FAM3D: variants seen among roughly 807,000 people sequenced by gnomAD.
FAM3D encodes the protein FAM3 metabolism regulating signaling molecule D, also known as protein FAM3D.
Under a neutral mutation model 29.8 loss-of-function variants are expected in FAM3D, and 26 were observed. The observed-to-expected ratio is 0.87, with a 90% CI of 0.64 to 1.21. The LOEUF (loss-of-function observed/expected upper bound fraction) is 1.21, where lower values mean the gene tolerates loss of function less well. Ranked by LOEUF, FAM3D falls within the 50% of genes most tolerant of loss-of-function variation. The pLI is 0.00. For synonymous variants in FAM3D, 115 were observed against 102.3 expected, an observed-to-expected ratio of 1.12 and a Z score of -0.75; for missense variants, 253 against 290.9, an observed-to-expected ratio of 0.87 and a Z score of 0.95.
In FAM3D at chr3:58,634,451, C is replaced by T; in HGVS notation, c.586-83G>A. On this transcript the variant is annotated intron_variant, in intron 9 of 9. Transcript: ENST00000358781. The surrounding 1 kb of genome is among the most constrained non-coding windows in gnomAD (Gnocchi z 4.6). ...GCCCACATGGACACTGTGCTCTAAA[C>T]CTAAATGGGGGTGTGGGATGTTATT... is the stretch of plus-strand genomic sequence containing the variant. 2 of 1,244,680 alleles carry T rather than the reference C, an allele frequency of 1.6e-6. No homozygotes were observed. Among genetic ancestry groups the T allele is most frequent in the East Asian group, 2.4e-5 (1 of 41,276 alleles). 77.1% of individuals were successfully genotyped at this position (1,244,680 alleles called of 1,614,324 possible).
At chr3:58,643,403 C>G (rs1333399813) in intron 6 of FAM3D, among the ~76,000 whole-genome samples, 2 of 152,242 alleles carry the variant, frequency 1.3e-5, no homozygotes, top group African/African-American at 4.8e-5. Context: ...TCATGTTTCA[C>G]TCATGTTCCA....
chr3:58,643,780 T>C, intron 5 of FAM3D, 60 bp from the exon 6 acceptor site: 5 of 1,526,512 alleles, frequency 3.3e-6, no homozygotes, highest in Non-Finnish European at 4.5e-6. Flanking sequence ...AACACTCTGC[T>C]CTCCCAGCTG....
At chr3:58,654,414 A>G (rs1304736537) in intron 2 of FAM3D, among the ~76,000 whole-genome samples, 1 of 152,194 alleles carries the variant, frequency 6.6e-6, no homozygotes, top group Non-Finnish European at 1.5e-5. Flanking sequence ...GGCCTCCACA[A>G]ATAACCGCAC....
chr3:58,638,923 C>T (rs2066250116), intron 7 of FAM3D, among the ~76,000 whole-genome samples: 1 of 152,216 alleles, frequency 6.6e-6, no homozygotes, highest in South Asian at 2.1e-4. Context: ...CGGTCTGGTG[C>T]TTGTCTGGAT....
intron 1 of FAM3D, among the ~76,000 whole-genome samples, chr3:58,663,913 T>C (rs1372597619): frequency 6.6e-6 from 1 of 152,204 alleles, no homozygotes. Context: ...CCCTCACCTG[T>C]CCTCGCCAGA....
intron 1 of FAM3D, among the ~76,000 whole-genome samples, chr3:58,662,437 A>G (rs1255191321): frequency 6.6e-6 from 1 of 152,222 alleles, no homozygotes; most frequent in African/African-American, 2.4e-5. Flanking sequence ...TAACAATCAC[A>G]ATAATAATTC....
At chr3:58,649,967 G>A (rs1415995522) in intron 3 of FAM3D, among the ~76,000 whole-genome samples, 4 of 152,260 alleles carry the variant, frequency 2.6e-5, no homozygotes, top group Non-Finnish European at 4.4e-5. Context: ...CCCCAGTGAA[G>A]GGTAGAGTTG....
At chr3:58,658,025 G>A (rs1559508266) in intron 1 of FAM3D, among the ~76,000 whole-genome samples, 2 of 152,194 alleles carry the variant, frequency 1.3e-5, no homozygotes, top group Non-Finnish European at 2.9e-5. Context: ...CAGTGGAAAG[G>A]GAGGGGGCAG....
Position 58,653,695 on chromosome 3 carries a change from T to G in FAM3D, c.100A>C (p.Ile34Leu). The part of the protein sequence containing the change: ...RSYMSFSMKT[I>L]RLPRWLAASP... ...TCACCCAGCCAGCGTGGCAGACGGA[T>G]GGTTTTCATGCTGAAGCTCATGTAG... Residue 34 changes from isoleucine (I) to leucine (L), a missense_variant, in exon 3 of 10, where the codon ATC (isoleucine) becomes CTC (leucine). Coordinates refer to ENST00000358781, the MANE Select transcript of FAM3D (RefSeq NM_138805.3). The G allele has an allele frequency of 6.2e-7, 1 of 1,613,988 alleles. No homozygotes were observed. Among genetic ancestry groups the G allele is most frequent in the Non-Finnish European group, 8.5e-7 (1 of 1,180,042 alleles).
At chr3:58,636,105 G>A (rs540841521) in intron 9 of FAM3D, among the ~76,000 whole-genome samples, 189 bp downstream of exon 9, 10 of 152,158 alleles carry the variant, frequency 6.6e-5, no homozygotes, top group South Asian at 2.1e-4. Flanking sequence ...CAGCTTTTGC[G>A]AAATGGCCAA....
chr3:58,637,356 G>C, intron 7 of FAM3D, 131 bp from the exon 8 acceptor site: 2 of 785,636 alleles, frequency 2.5e-6, no homozygotes, highest in Admixed American at 4.9e-5. Flanking sequence ...CAGAAGCCAG[G>C]AGGAAGAGCA....
At chr3:58,656,706 G>GA (rs1379564056) in intron 1 of FAM3D, among the ~76,000 whole-genome samples, 3 of 152,174 alleles carry the variant, frequency 2.0e-5, no homozygotes, top group Admixed American at 6.5e-5. Flanking sequence ...CCACCCCAGA[G>GA]TCTTTATCCT....
chr3:58,659,789 ACTT>A (rs2066897387), intron 1 of FAM3D, among the ~76,000 whole-genome samples: 1 of 152,050 alleles, frequency 6.6e-6, no homozygotes, highest in South Asian at 2.1e-4. Flanking sequence ...CATCTAAATG[ACTT>A]CTTTTTTTTT....
At chr3:58,647,305 G>A (rs182088149) in intron 4 of FAM3D, among the ~76,000 whole-genome samples, 20 of 152,340 alleles carry the variant, frequency 1.3e-4, no homozygotes, top group Admixed American at 7.8e-4. Context: ...AGAGAGGGCC[G>A]GGCTGGGGGT....
At chr3:58,659,907 T>G (rs1415567276) in intron 1 of FAM3D, among the ~76,000 whole-genome samples, 5 of 152,232 alleles carry the variant, frequency 3.3e-5, no homozygotes, top group Admixed American at 1.3e-4. Flanking sequence ...TCCAGCTCTT[T>G]TCCTCATTAT....
At chr3:58,636,078 C>T (rs984271354) in intron 9 of FAM3D, among the ~76,000 whole-genome samples, 13 of 152,200 alleles carry the variant, frequency 8.5e-5, no homozygotes, top group Non-Finnish European at 8.8e-5. Context: ...TGTATACCTG[C>T]GTATCTATAT....
chr3:58,639,174 A>G lies in FAM3D; in HGVS notation c.373+953T>C, dbSNP rs912231783. Among the ~76,000 whole-genome samples the G allele has an allele frequency of 2.6e-5, 4 of 152,072 alleles. No individual in the cohort carries two copies. In the South Asian group the frequency reaches 8.3e-4, roughly 32 times the overall value. On this transcript the variant is annotated intron_variant, in intron 7 of 9. Coordinates refer to ENST00000358781, the MANE Select transcript of FAM3D (RefSeq NM_138805.3). ...CAGATGATTTCCTTGCTTCTGAGTC[A>G]TCTGGACGGAATGAGGGAAGAGGGG...
chr3:58,662,147 G>T (rs4681891), intron 1 of FAM3D, among the ~76,000 whole-genome samples: 2 of 152,002 alleles, frequency 1.3e-5, no homozygotes, highest in East Asian at 1.9e-4. Flanking sequence ...GGTGGGGCTG[G>T]GTGGAGTATC....
intron 7 of FAM3D, 109 bp from the exon 8 acceptor site, chr3:58,637,334 C>A: frequency 1.0e-6 from 1 of 977,466 alleles, no homozygotes; most frequent in Non-Finnish European, 1.5e-6. Context: ...CCGGTGGACA[C>A]TGGGCTGAGC....
Sources: allele counts gnomAD v4.1 joint callset (sites outside exome capture counted in the v4.1 genomes callset), GRCh38; gene constraint gnomAD v4.1.1; non-coding constraint Gnocchi (gnomAD v3.1); transcripts MANE v1.5; gene names NCBI Gene and HGNC (gene_info 2026-07-23, HGNC 2026-07-21).